ETFA: variants seen among roughly 807,000 people sequenced by gnomAD.
ETFA encodes electron transfer flavoprotein subunit alpha, mitochondrial.
ETFA carries 22 observed loss-of-function variants against 46.2 expected under a neutral mutation model. The observed-to-expected ratio is 0.48, with a 90% CI of 0.34 to 0.68. The LOEUF (loss-of-function observed/expected upper bound fraction) is 0.68, where lower values mean the gene tolerates loss of function less well. ETFA is among the 30% of genes least tolerant of loss of function. The pLI is 0.01. For missense variants in ETFA, 345 were observed against 401.1 expected (o/e 0.86, Z 1.19); for synonymous variants, 131 against 139.9 (o/e 0.94, Z 0.45).
chr15:76,282,196 G>A (rs905062403), intron 8 of ETFA, among the ~76,000 whole-genome samples: 1 of 152,074 alleles, frequency 6.6e-6, no homozygotes, highest in Non-Finnish European at 1.5e-5. Flanking sequence ...GAGCCACCAC[G>A]CCTGCCATGT....
chr15:76,259,266 G>C (rs1424278034), intron 9 of ETFA: 12 of 1,565,800 alleles, frequency 7.7e-6, no homozygotes, highest in Admixed American at 1.7e-5. Flanking sequence ...GTCCTGGCTG[G>C]CGGATAGCAC....
chr15:76,281,675 G>T (rs533673557), intron 8 of ETFA, among the ~76,000 whole-genome samples: 1 of 151,870 alleles, frequency 6.6e-6, no homozygotes, highest in African/African-American at 2.4e-5. Context: ...GATTACAGGC[G>T]TAAGCCACCA....
intron 9 of ETFA, among the ~76,000 whole-genome samples, chr15:76,233,752 A>ATT (rs2039094095): frequency 6.6e-6 from 1 of 152,216 alleles, no homozygotes. Context: ...CGGCAAACAA[A>ATT]TTCTAACATA....
intron 9 of ETFA, among the ~76,000 whole-genome samples, chr15:76,271,726 G>A (rs115292371): frequency 0.014 from 2,133 of 152,198 alleles, 53 homozygotes; most frequent in African/African-American, 0.047. Context: ...TAACCTATTT[G>A]GGGATGATCA....
intron 9 of ETFA, among the ~76,000 whole-genome samples, chr15:76,264,808 G>A (rs1005877378): frequency 6.6e-6 from 1 of 152,304 alleles, no homozygotes; most frequent in East Asian, 1.9e-4. Flanking sequence ...TCAGGCTCTT[G>A]GTTTAATTGT....
chr15:76,300,244 TA>T (rs1309445487), intron 1 of ETFA, among the ~76,000 whole-genome samples: 109 of 152,328 alleles, frequency 7.2e-4, no homozygotes, highest in African/African-American at 2.5e-3. Flanking sequence ...TACATCTGTA[TA>T]TCTAAGTGCT....
At chr15:76,247,630 TAA>T (rs1437315541) in intron 9 of ETFA, among the ~76,000 whole-genome samples, 5 of 152,218 alleles carry the variant, frequency 3.3e-5, no homozygotes, top group Non-Finnish European at 1.5e-5. Context: ...GGTTATTCAC[TAA>T]GAGTTATTTG....
intron 6 of ETFA, 66 bp from the exon 7 acceptor site, chr15:76,285,804 C>T: frequency 9.9e-7 from 1 of 1,007,540 alleles, no homozygotes; most frequent in Non-Finnish European, 1.6e-6. Flanking sequence ...GAATTATTTT[C>T]AAGAGAAACA....
At chr15:76,292,849 A>G (rs550288245) in intron 2 of ETFA, 149 bp from the exon 3 acceptor site, 1 of 708,252 alleles carries the variant, frequency 1.4e-6, no homozygotes, top group African/African-American at 1.8e-5. Context: ...GAATTAAAAT[A>G]TATTCCGGCC....
At chr15:76,295,933 A>ATTTTTTTTTTT (rs1555459250) in intron 1 of ETFA, among the ~76,000 whole-genome samples, 196 bp from the exon 2 acceptor site, 3 of 58,508 alleles carry the variant, frequency 5.1e-5, no homozygotes, top group Admixed American at 2.3e-4. Context: ...TACCACTAAT[A>ATTTTTTTTTTT]TTCTTTTTTT....
chr15:76,219,019 G>A (rs956627559), intron 11 of ETFA, among the ~76,000 whole-genome samples: 1 of 152,186 alleles, frequency 6.6e-6, no homozygotes, highest in Non-Finnish European at 1.5e-5. Flanking sequence ...CAGGAGTTCT[G>A]AGGAAGATCA....
chr15:76,270,143 C>T (rs1293954800), intron 9 of ETFA, among the ~76,000 whole-genome samples: 1 of 152,152 alleles, frequency 6.6e-6, no homozygotes, highest in Admixed American at 6.5e-5. Flanking sequence ...AATTGTGCAA[C>T]CACCTTGGGA....
chr15:76,308,034 T>C (rs1312307699), intron 1 of ETFA, among the ~76,000 whole-genome samples: 1 of 152,156 alleles, frequency 6.6e-6, no homozygotes, highest in African/African-American at 2.4e-5. Flanking sequence ...GGAGTCAGAT[T>C]GAATGGGCCC....
At chr15:76,232,279 T>C (rs2039076514) in intron 9 of ETFA, among the ~76,000 whole-genome samples, 5 of 152,256 alleles carry the variant, frequency 3.3e-5, no homozygotes, top group Admixed American at 3.3e-4. Context: ...TTAAGCACTT[T>C]AATAAGTGCT....
At chr15:76,309,668 C>T (rs2039970718) in intron 1 of ETFA, among the ~76,000 whole-genome samples, 1 of 152,124 alleles carries the variant, frequency 6.6e-6, no homozygotes, top group Non-Finnish European at 1.5e-5. Context: ...AATTCCATCC[C>T]CCACCACAAT....
At position 76,288,343 on chromosome 15, in the gene ETFA, C is replaced by T. The variant is rs1043782532; in HGVS notation, c.352-398G>A. On this transcript the variant is annotated intron_variant, in intron 4 of 11. Coordinates refer to ENST00000557943, the MANE Select transcript of ETFA (RefSeq NM_000126.4). Reference sequence around the variant, plus strand: ...TACTGAAAAAGATTATGCTTGTATACATTTACTTAATGTATATAAAAGAAA... The same window carrying T: ...TACTGAAAAAGATTATGCTTGTATATATTTACTTAATGTATATAAAAGAAA... Among the ~76,000 whole-genome samples the T allele has an allele frequency of 1.7e-4, 26 of 152,050 alleles. 1 individual carries two copies. The highest frequency in any genetic ancestry group is 6.3e-4 in the African/African-American group (26 of 41,412).
chr15:76,235,742 C>T (rs1442462230), intron 9 of ETFA, among the ~76,000 whole-genome samples: 1 of 152,180 alleles, frequency 6.6e-6, no homozygotes, highest in African/African-American at 2.4e-5. Context: ...GCTACAGTCT[C>T]TCATCAGCCC....
rs568116860 is a variant in ETFA at position 76,259,792 on chromosome 15, G to A, written c.816+14620C>T. 1.9e-6 allele frequency: 3 copies of A among 1,602,892 alleles called. No individual in the cohort carries two copies. In the Admixed American group the frequency reaches 5.0e-5, roughly 27 times the overall value. On this transcript the variant is annotated intron_variant, in intron 9 of 11. Coordinates refer to ENST00000557943, the MANE Select transcript of ETFA (RefSeq NM_000126.4). ...TCCGAGAGCTCAGGTACTCCATGCT[G>A]CAGGCAATGTCCACCATGAACCGGA... is the stretch of plus-strand genomic sequence containing the variant.
chr15:76,227,776 T>C (rs1477579457), intron 10 of ETFA: 12 of 455,488 alleles, frequency 2.6e-5, no homozygotes, highest in Non-Finnish European at 5.3e-5. Context: ...TGATGTAGCC[T>C]GACTTAAAAT....
Sources: gnomAD v4.1 joint callset for allele counts (sites outside exome capture counted in the v4.1 genomes callset) on GRCh38, gnomAD v4.1.1 for gene constraint, MANE v1.5 for transcripts, NCBI Gene and HGNC (gene_info 2026-07-23, HGNC 2026-07-21) for gene names.